ROBO1: variants seen among roughly 807,000 people sequenced by gnomAD.
ROBO1 encodes roundabout guidance receptor 1.
ROBO1 carries 149 observed loss-of-function variants against 195.9 expected under a neutral mutation model. That is an observed-to-expected ratio of 0.76 (90% CI 0.67 to 0.87). ROBO1 has a LOEUF of 0.87. Among genes scored for constraint, ROBO1 ranks in the 40% least tolerant of loss-of-function variants. The probability of loss-of-function intolerance (pLI) is 0.00; values close to 1 mark genes in which losing one functional copy is unlikely to be tolerated. For missense variants in ROBO1, 1,933 were observed against 2,068.3 expected (o/e 0.93, Z 1.27); for synonymous variants, 816 against 733.2 (o/e 1.11, Z -1.82).
chr3:78,697,339 A>G (rs2081323443), intron 8 of ROBO1, among the ~76,000 whole-genome samples: 1 of 152,112 alleles, frequency 6.6e-6, no homozygotes, highest in Non-Finnish European at 1.5e-5. Context: ...AGACATGTGT[A>G]TGAGTCAGAA....
intron 10 of ROBO1, among the ~76,000 whole-genome samples, chr3:78,679,238 T>C (rs2080825306): frequency 6.6e-6 from 1 of 151,890 alleles, no homozygotes; most frequent in Non-Finnish European, 1.5e-5. Flanking sequence ...GGGCAAAAAC[T>C]GGAAGCATTC....
rs536412342 is a variant in ROBO1 at position 79,740,088 on chromosome 3, ATAAT to A, written c.-51+27660_-51+27663del. Among the ~76,000 whole-genome samples, 451 of 151,048 alleles carry A rather than the reference ATAAT, an allele frequency of 3.0e-3. 3 individuals carry two copies. Among genetic ancestry groups the A allele is most frequent in the African/African-American group, 0.01 (430 of 41,380 alleles). ...TAATCATTAACTTTAATATAAAATA[ATAAT>A]TTACATTTAATTCCACAATTAAATG... On this transcript the variant is annotated intron_variant, in intron 1 of 30. Transcript: ENST00000464233.
At chr3:79,569,874 C>G (rs34758639) in intron 2 of ROBO1, among the ~76,000 whole-genome samples, 84,532 of 151,714 alleles carry the variant, frequency 0.56, 24,514 homozygotes, top group African/African-American at 0.73. Flanking sequence ...AAAGGAGAGA[C>G]GATCCCTTGA....
chr3:79,373,126 T>C (rs2036258587), intron 2 of ROBO1, among the ~76,000 whole-genome samples: 1 of 152,212 alleles, frequency 6.6e-6, no homozygotes, highest in Non-Finnish European at 1.5e-5. Flanking sequence ...TTGTGTTTGA[T>C]ACTAAGCTTT....
intron 2 of ROBO1, among the ~76,000 whole-genome samples, chr3:79,303,998 T>G (rs2033108046): frequency 6.6e-6 from 1 of 152,174 alleles, no homozygotes; most frequent in South Asian, 2.1e-4. Flanking sequence ...AAAAAAATAG[T>G]GAACAAATAT....
At chr3:78,701,191 A>C (rs1449278937) in intron 8 of ROBO1, among the ~76,000 whole-genome samples, 1 of 152,242 alleles carries the variant, frequency 6.6e-6, no homozygotes, top group Non-Finnish European at 1.5e-5. Flanking sequence ...TCCATGACCT[A>C]AACAAAATGA....
chr3:78,655,167 T>C (rs1178374406), intron 18 of ROBO1, among the ~76,000 whole-genome samples: 1 of 152,204 alleles, frequency 6.6e-6, no homozygotes, highest in East Asian at 1.9e-4. Flanking sequence ...AGGATGTTTT[T>C]AGTTATATGG....
At chr3:78,685,102 ATATATT>A (rs1559744703) in intron 10 of ROBO1, among the ~76,000 whole-genome samples, 3 of 152,130 alleles carry the variant, frequency 2.0e-5, no homozygotes, top group African/African-American at 4.8e-5. Flanking sequence ...ATACATGTAT[ATATATT>A]TATATGTATA....
At chr3:79,228,327 T>G (rs1464277534) in intron 2 of ROBO1, among the ~76,000 whole-genome samples, 1 of 152,142 alleles carries the variant, frequency 6.6e-6, no homozygotes, top group East Asian at 1.9e-4. Flanking sequence ...GTTCCACAAT[T>G]GTGGGAAAAG....
At chr3:79,504,178 G>A (rs1156354966) in intron 2 of ROBO1, among the ~76,000 whole-genome samples, 1 of 151,908 alleles carries the variant, frequency 6.6e-6, no homozygotes, top group Non-Finnish European at 1.5e-5. Context: ...TAAATCAAGG[G>A]CATTATATTT....
intron 3 of ROBO1, among the ~76,000 whole-genome samples, chr3:79,020,025 G>C (rs1468586788): frequency 6.6e-6 from 1 of 152,120 alleles, no homozygotes; most frequent in Non-Finnish European, 1.5e-5. Context: ...TAAGGCACAG[G>C]GTTGGGCCTT....
At chr3:79,268,091 G>A (rs551930935) in intron 2 of ROBO1, among the ~76,000 whole-genome samples, 22 of 151,714 alleles carry the variant, frequency 1.5e-4, no homozygotes, top group African/African-American at 5.1e-4. Flanking sequence ...CTTGCAAATG[G>A]TTGTGTGCAG....
intron 3 of ROBO1, among the ~76,000 whole-genome samples, chr3:78,953,608 A>G (rs1036808166): frequency 2.6e-5 from 4 of 152,056 alleles, no homozygotes; most frequent in African/African-American, 9.7e-5. Flanking sequence ...AGACACCAGT[A>G]GAAGAAACTG....
chr3:79,276,891 T>A (rs975586016), intron 2 of ROBO1, among the ~76,000 whole-genome samples: 3 of 151,922 alleles, frequency 2.0e-5, no homozygotes, highest in Admixed American at 6.6e-5. Flanking sequence ...GATCATCAGA[T>A]AAATGCAAAT....
At chr3:78,716,901 C>G (rs1361215217) in intron 7 of ROBO1, among the ~76,000 whole-genome samples, 1 of 152,118 alleles carries the variant, frequency 6.6e-6, no homozygotes, top group African/African-American at 2.4e-5. Context: ...GAAAAGGAAG[C>G]CTGATTTTTA....
intron 2 of ROBO1, among the ~76,000 whole-genome samples, chr3:79,191,936 A>G (rs183315843): frequency 5.3e-5 from 8 of 151,640 alleles, no homozygotes; most frequent in Non-Finnish European, 1.0e-4. Context: ...TTTATTTTTA[A>G]AGAGGTTTCA....
At chr3:79,095,777 C>A (rs762879861) in intron 3 of ROBO1, among the ~76,000 whole-genome samples, 2 of 151,960 alleles carry the variant, frequency 1.3e-5, no homozygotes, top group Non-Finnish European at 2.9e-5. Context: ...TGTATTAATA[C>A]CCACACAGCA....
At chr3:79,064,986 C>G (rs930167036) in intron 3 of ROBO1, among the ~76,000 whole-genome samples, 2 of 151,900 alleles carry the variant, frequency 1.3e-5, no homozygotes, top group Non-Finnish European at 1.5e-5. Context: ...GGGACACTTT[C>G]TTTGATCTTA....
In ROBO1 at chr3:79,677,684, G is replaced by A. The variant is rs184611286; in HGVS notation, c.-50-87723C>T. ...GCAACTGCAAGTGGTCTCTGTGGCTGGCCTGTAGAGGCCAAAGGTGACCTG... is the reference window on the plus strand; with the variant it reads ...GCAACTGCAAGTGGTCTCTGTGGCTAGCCTGTAGAGGCCAAAGGTGACCTG... On this transcript the variant is annotated intron_variant, in intron 1 of 30. Transcript: ENST00000464233. Among the ~76,000 whole-genome samples the A allele has an allele frequency of 5.9e-5, 9 of 152,166 alleles. No homozygotes were observed. In the East Asian group the frequency reaches 1.8e-3, roughly 30 times the overall value.
Sources: allele counts gnomAD v4.1 joint callset (sites outside exome capture counted in the v4.1 genomes callset), GRCh38; gene constraint gnomAD v4.1.1; transcripts MANE v1.5; gene names NCBI Gene and HGNC (gene_info 2026-07-23, HGNC 2026-07-21).